FNDC3B: variants seen among roughly 807,000 people sequenced by gnomAD.
The protein encoded by FNDC3B is fibronectin type III domain-containing protein 3B.
A neutral mutation model predicts 151.5 loss-of-function variants in FNDC3B; 12 were observed. That is an observed-to-expected ratio of 0.08 (90% confidence interval 0.05 to 0.13). The LOEUF is 0.13. FNDC3B is among the 10% of genes least tolerant of loss of function. The probability of loss-of-function intolerance (pLI) is 1.00; values close to 1 mark genes in which losing one functional copy is unlikely to be tolerated. For synonymous variants in FNDC3B, 528 were observed against 549.0 expected, an observed-to-expected ratio of 0.96 and a Z score of 0.54; for missense variants, 1,214 against 1,505.3, an observed-to-expected ratio of 0.81 and a Z score of 3.20.
At position 172,350,813 on chromosome 3, in the gene FNDC3B, G is replaced by A. The variant is rs116606954; in HGVS notation, c.2515-1990G>A. Among the ~76,000 whole-genome samples the A allele has an allele frequency of 9.2e-3, 1,404 of 152,086 alleles. 28 individuals are homozygous for A. Among genetic ancestry groups the A allele is most frequent in the African/African-American group, 0.033 (1,351 of 41,464 alleles). On this transcript the variant is annotated intron_variant, in intron 21 of 25. Transcript: ENST00000415807. ...GGTTGTTGCAGTGAGCTGAGATTGC[G>A]CCACTGCACTCCAGACAGAGACAGA... is the stretch of plus-strand genomic sequence containing the variant.
intron 3 of FNDC3B, among the ~76,000 whole-genome samples, chr3:172,147,924 A>G (rs894471072): frequency 6.6e-6 from 1 of 152,092 alleles, no homozygotes; most frequent in Non-Finnish European, 1.5e-5. Context: ...AGAAAAATTG[A>G]CTTAAAAGAT....
chr3:172,152,933 G>A (rs1166467742), intron 3 of FNDC3B, among the ~76,000 whole-genome samples: 1 of 152,150 alleles, frequency 6.6e-6, no homozygotes, highest in African/African-American at 2.4e-5. Context: ...AATCCATCCT[G>A]TGAGGTATTA....
At chr3:172,210,967 T>G (rs1015425581) in intron 3 of FNDC3B, among the ~76,000 whole-genome samples, 5 of 152,210 alleles carry the variant, frequency 3.3e-5, no homozygotes. Context: ...TTTGCAAAAG[T>G]TGGGATTGAA....
intron 23 of FNDC3B, among the ~76,000 whole-genome samples, chr3:172,365,556 C>G (rs1199464272): frequency 6.6e-6 from 1 of 152,188 alleles, no homozygotes; most frequent in Non-Finnish European, 1.5e-5. Context: ...ACAACCCAAC[C>G]TAAAATTCAT....
chr3:172,349,884 G>A (rs185671396), intron 21 of FNDC3B, among the ~76,000 whole-genome samples: 24 of 152,176 alleles, frequency 1.6e-4, no homozygotes, highest in Admixed American at 9.2e-4. Flanking sequence ...TCGAACTCCC[G>A]ACCTCAGATG....
intron 4 of FNDC3B, among the ~76,000 whole-genome samples, chr3:172,243,123 G>A (rs931987486): frequency 1.3e-5 from 2 of 152,146 alleles, no homozygotes; most frequent in African/African-American, 4.8e-5. Context: ...GGGCCTTATT[G>A]TTCATATCAT....
At chr3:172,058,566 A>G (rs984651374) in intron 1 of FNDC3B, among the ~76,000 whole-genome samples, 13 of 150,988 alleles carry the variant, frequency 8.6e-5, no homozygotes, top group African/African-American at 2.9e-4. Flanking sequence ...GGGATGTTCT[A>G]TTACAGATCC....
At chr3:172,149,922 G>A (rs1034788704) in intron 3 of FNDC3B, among the ~76,000 whole-genome samples, 5 of 137,148 alleles carry the variant, frequency 3.6e-5, no homozygotes, top group African/African-American at 1.4e-4. Context: ...AGGTTCAAGC[G>A]ATTCTCGAGC....
chr3:172,226,993 T>C (rs965214924), intron 4 of FNDC3B, 46 bp downstream of exon 4: 2 of 1,257,106 alleles, frequency 1.6e-6, no homozygotes, highest in Admixed American at 3.4e-5. Flanking sequence ...ACACTGTCGT[T>C]GCTCCAACAG....
At chr3:172,206,266 G>A (rs1725414558) in intron 3 of FNDC3B, among the ~76,000 whole-genome samples, 2 of 152,188 alleles carry the variant, frequency 1.3e-5, no homozygotes, top group South Asian at 4.1e-4. Flanking sequence ...GAGTGGAAAG[G>A]GGGTCATATG....
chr3:172,368,794 T>A (rs749247311), intron 23 of FNDC3B, among the ~76,000 whole-genome samples: 85 of 152,314 alleles, frequency 5.6e-4, no homozygotes, highest in Non-Finnish European at 6.9e-4. Flanking sequence ...ATGCGTCACC[T>A]GAGGTTAGGA....
chr3:172,143,132 AG>A (rs1202160160), intron 3 of FNDC3B, among the ~76,000 whole-genome samples: 6 of 152,214 alleles, frequency 3.9e-5, no homozygotes, highest in Non-Finnish European at 8.8e-5. Flanking sequence ...AGACAGTGAT[AG>A]TACTGCTGAA....
At chr3:172,045,451 C>A (rs1716315369) in intron 1 of FNDC3B, among the ~76,000 whole-genome samples, 1 of 152,080 alleles carries the variant, frequency 6.6e-6, no homozygotes, top group Admixed American at 6.6e-5. Context: ...CTTAGAGGAA[C>A]GTTCAGTACT....
At chr3:172,382,845 G>C (rs1186664622) in intron 25 of FNDC3B, among the ~76,000 whole-genome samples, 3 of 152,176 alleles carry the variant, frequency 2.0e-5, no homozygotes, top group Non-Finnish European at 2.9e-5. Flanking sequence ...TTTGGTACCA[G>C]TACTATGCTG....
chr3:172,119,413 A>G (rs1720426997), intron 2 of FNDC3B, among the ~76,000 whole-genome samples: 1 of 150,536 alleles, frequency 6.6e-6, no homozygotes, highest in African/African-American at 2.4e-5. Context: ...GTATTTACAC[A>G]TACGTGAAAT....
chr3:172,347,666 C>T (rs1733676477), intron 21 of FNDC3B, among the ~76,000 whole-genome samples: 1 of 152,228 alleles, frequency 6.6e-6, no homozygotes, highest in African/African-American at 2.4e-5. Context: ...AAAGATGACA[C>T]AGCTCCTTAG....
intron 3 of FNDC3B, among the ~76,000 whole-genome samples, chr3:172,143,740 C>G (rs1344874576): frequency 1.3e-5 from 2 of 151,744 alleles, no homozygotes; most frequent in East Asian, 3.9e-4. Context: ...GAAACCTTGT[C>G]TCAACTAAAA....
intron 2 of FNDC3B, 30 bp downstream of exon 2, chr3:172,112,620 A>G (rs1472619543): frequency 2.1e-6 from 3 of 1,424,016 alleles, no homozygotes; most frequent in Middle Eastern, 1.7e-4. Flanking sequence ...AATTTAAGTC[A>G]AATTGTCTAA....
intron 11 of FNDC3B, among the ~76,000 whole-genome samples, chr3:172,312,100 A>G (rs76095861): frequency 0.013 from 1,930 of 152,304 alleles, 51 homozygotes; most frequent in African/African-American, 0.044. Context: ...ATGACTTGGC[A>G]AGTATGGAAA....
Sources: gnomAD v4.1 joint callset for allele counts (sites outside exome capture counted in the v4.1 genomes callset) on GRCh38, gnomAD v4.1.1 for gene constraint, MANE v1.5 for transcripts, NCBI Gene and HGNC (gene_info 2026-07-23, HGNC 2026-07-21) for gene names.